The following GPM6A variants were observed in gnomAD, a reference collection of about 807,000 sequenced individuals.
GPM6A encodes the protein neuronal membrane glycoprotein M6-a.
GPM6A carries 7 observed loss-of-function variants against 32.1 expected under a neutral mutation model. The ratio of observed to expected loss-of-function variants is 0.22; its 90% CI spans 0.12 to 0.41. The LOEUF (loss-of-function observed/expected upper bound fraction) is 0.41, where lower values mean the gene tolerates loss of function less well. Ranked by LOEUF, GPM6A falls within the 10% of genes least tolerant of loss-of-function variation. The pLI, the probability that GPM6A is intolerant of heterozygous loss-of-function variation, is 1.00. For synonymous variants in GPM6A, 130 were observed against 123.4 expected, an observed-to-expected ratio of 1.05 and a Z score of -0.35; for missense variants, 235 against 347.2, an observed-to-expected ratio of 0.68 and a Z score of 2.57.
rs374571140 is a variant in GPM6A, at chr4:175,799,671, C to CTTTTT, written c.37+12515_37+12519dup. ...TCACCCTAAAAGTAGCAAGTGTTTT[C>CTTTTT]TTTTTTTTTTTTTTGAGACGGAGTC... On this transcript the variant is annotated intron_variant, in intron 1 of 6. Transcript: ENST00000393658. 5.4e-3 allele frequency among the ~76,000 whole-genome samples: 664 copies of CTTTTT among 122,076 alleles called. 64 individuals are homozygous for CTTTTT. The South Asian group carries it at 0.081, about 15-fold the overall frequency. 80.1% of individuals were successfully genotyped at this position (122,076 alleles called of 152,430 possible).
intron 1 of GPM6A, among the ~76,000 whole-genome samples, chr4:175,912,908 C>A (rs76569880): frequency 0.11 from 16,112 of 152,122 alleles, 919 homozygotes; most frequent in South Asian, 0.27. Flanking sequence ...TGTTCATTAT[C>A]AATAAAATGA....
At chr4:175,700,328 T>G (rs1326336996) in intron 2 of GPM6A, among the ~76,000 whole-genome samples, 1 of 152,192 alleles carries the variant, frequency 6.6e-6, no homozygotes, top group Non-Finnish European at 1.5e-5. Context: ...CTAAACCTGA[T>G]GGAGTATAAG....
intron 1 of GPM6A, among the ~76,000 whole-genome samples, chr4:175,946,176 A>C (rs1426405384): frequency 8.5e-5 from 13 of 152,192 alleles, no homozygotes; most frequent in Admixed American, 8.5e-4. Flanking sequence ...ACTTCATTCG[A>C]ATGTAAAGTT....
intron 1 of GPM6A, among the ~76,000 whole-genome samples, chr4:175,874,627 A>G (rs1469636499): frequency 6.6e-6 from 1 of 152,150 alleles, no homozygotes; most frequent in Non-Finnish European, 1.5e-5. Flanking sequence ...GGTTTTTAAT[A>G]TTTGGAAATG....
chr4:175,713,057 C>T (rs181358213), intron 1 of GPM6A, among the ~76,000 whole-genome samples: 9 of 152,182 alleles, frequency 5.9e-5, no homozygotes, highest in Non-Finnish European at 1.5e-5. Context: ...AGCTCCCTGG[C>T]ATAAAGTCTA....
At chr4:175,812,623 A>G (rs1346001890), upstream of GPM6A, 106 of 994,164 alleles carry the variant, frequency 1.1e-4, no homozygotes, top group Non-Finnish European at 1.2e-4. Context: ...AAATGGGGAA[A>G]AGAAATTGAG....
intron 2 of GPM6A, among the ~76,000 whole-genome samples, chr4:175,685,255 G>C (rs533033482): frequency 6.6e-6 from 1 of 152,274 alleles, no homozygotes; most frequent in South Asian, 2.1e-4. Context: ...AATGTCCATT[G>C]ACGTTTTATT....
At chr4:175,785,220 A>G (rs976887211) in intron 1 of GPM6A, among the ~76,000 whole-genome samples, 5 of 152,180 alleles carry the variant, frequency 3.3e-5, no homozygotes, top group Non-Finnish European at 7.3e-5. Context: ...AATTCCACGC[A>G]GAGGCCACAC....
In GPM6A at chr4:175,843,894, G is replaced by A. The variant is rs188406170; in HGVS notation, c.-22-31645C>T. Among the ~76,000 whole-genome samples, 483 of 152,204 alleles carry A rather than the reference G, an allele frequency of 3.2e-3. 1 individual carries two copies. The highest frequency in any genetic ancestry group is 8.9e-3 in the South Asian group (43 of 4,820). On this transcript the variant is annotated intron_variant, in intron 1 of 7. Transcript: ENST00000280187. ...TGAGGATGCCTCATCCTTGTGCTCC[G>A]TTCTCAATCTGGTTAGCCTAGTTTT...
At chr4:175,888,045 G>A (rs1253031620) in intron 1 of GPM6A, among the ~76,000 whole-genome samples, 1 of 151,836 alleles carries the variant, frequency 6.6e-6, no homozygotes, top group Non-Finnish European at 1.5e-5. Context: ...AGAAAAATTT[G>A]AGGTTGATTT....
intron 1 of GPM6A, among the ~76,000 whole-genome samples, chr4:175,974,014 C>T (rs1363467326): frequency 6.6e-6 from 1 of 152,096 alleles, no homozygotes; most frequent in Admixed American, 6.6e-5. Context: ...AGGTAGATCA[C>T]CTGAGGTCAG....
At chr4:175,960,996 C>G (rs1740145748) in intron 1 of GPM6A, among the ~76,000 whole-genome samples, 1 of 152,190 alleles carries the variant, frequency 6.6e-6, no homozygotes, top group South Asian at 2.1e-4. Context: ...CTGTTTAATG[C>G]ACAAGAATGT....
At chr4:175,674,575 C>T (rs1432365309) in intron 2 of GPM6A, among the ~76,000 whole-genome samples, 1 of 152,072 alleles carries the variant, frequency 6.6e-6, no homozygotes, top group African/African-American at 2.4e-5. Flanking sequence ...TTAAAACTTA[C>T]ATTAAAAGGG....
intron 1 of GPM6A, among the ~76,000 whole-genome samples, chr4:175,894,365 G>A (rs1039817831): frequency 6.6e-6 from 1 of 152,128 alleles, no homozygotes; most frequent in Non-Finnish European, 1.5e-5. Context: ...GCGAAAAAGC[G>A]AGGAAGGGGT....
At chr4:175,804,841 C>T (rs987781411) in intron 1 of GPM6A, among the ~76,000 whole-genome samples, 2 of 151,778 alleles carry the variant, frequency 1.3e-5, no homozygotes, top group African/African-American at 2.4e-5. Context: ...GTCAGGAGAT[C>T]GAGACCATCC....
chr4:175,981,175 A>G (rs781243434), intron 1 of GPM6A, among the ~76,000 whole-genome samples: 9 of 152,166 alleles, frequency 5.9e-5, no homozygotes, highest in Non-Finnish European at 1.2e-4. Context: ...AAAAAGCATA[A>G]AAATAATATA....
intron 1 of GPM6A, among the ~76,000 whole-genome samples, chr4:175,979,549 C>T (rs1292809417): frequency 1.3e-5 from 2 of 151,990 alleles, no homozygotes; most frequent in African/African-American, 4.8e-5. Context: ...CAGCTTCATC[C>T]GTGCAACAAA....
chr4:175,674,328 T>C (rs112270499), intron 2 of GPM6A, among the ~76,000 whole-genome samples: 7,552 of 152,178 alleles, frequency 0.05, 211 homozygotes, highest in Non-Finnish European at 0.063. Flanking sequence ...CAGGCATGTG[T>C]CACCATGCCC....
At chr4:175,725,540 T>C (rs980882616) in intron 1 of GPM6A, among the ~76,000 whole-genome samples, 1 of 152,096 alleles carries the variant, frequency 6.6e-6, no homozygotes, top group African/African-American at 2.4e-5. Context: ...GATCCTCCCA[T>C]CTCAGCCACC....
Sources: gnomAD v4.1 joint callset for allele counts (sites outside exome capture counted in the v4.1 genomes callset) on GRCh38, gnomAD v4.1.1 for gene constraint, MANE v1.5 for transcripts, NCBI Gene and HGNC (gene_info 2026-07-23, HGNC 2026-07-21) for gene names.